The following PER2 variants were observed in gnomAD, a reference collection of about 807,000 sequenced individuals.
PER2 encodes the protein period circadian regulator 2.
In PER2, 66 loss-of-function variants were observed where a neutral mutation model predicts 121.0. That is an observed-to-expected ratio of 0.55 (90% CI 0.45 to 0.67). The LOEUF (loss-of-function observed/expected upper bound fraction) is 0.67, where lower values mean the gene tolerates loss of function less well. PER2 is among the 30% of genes least tolerant of loss of function. The pLI is 0.00. For synonymous variants in PER2, 684 were observed against 659.9 expected, an observed-to-expected ratio of 1.04 and a Z score of -0.56; for missense variants, 1,521 against 1,635.0, an observed-to-expected ratio of 0.93 and a Z score of 1.20.
At chr2:238,284,453 AAAAAG>A (rs1696723189) in intron 1 of PER2, among the ~76,000 whole-genome samples, 1 of 152,130 alleles carries the variant, frequency 6.6e-6, no homozygotes, top group Non-Finnish European at 1.5e-5. Context: ...AAAAAAAAAA[AAAAAG>A]AGAGAGAAAA....
At chr2:238,294,107 C>G (rs960546168), upstream of PER2, among the ~76,000 whole-genome samples, 1 of 152,226 alleles carries the variant, frequency 6.6e-6, no homozygotes, top group Non-Finnish European at 1.5e-5. Flanking sequence ...TGATCCTCCA[C>G]GTCCGAGGCA....
At chr2:238,257,764 G>A (rs1178688919) in intron 16 of PER2, among the ~76,000 whole-genome samples, 3 of 152,224 alleles carry the variant, frequency 2.0e-5, no homozygotes, top group South Asian at 2.1e-4. Flanking sequence ...GTGAGCCACC[G>A]CGCCCAGCCG....
upstream of PER2, among the ~76,000 whole-genome samples, chr2:238,293,232 T>C (rs972330698): frequency 4.6e-5 from 7 of 152,206 alleles, no homozygotes; most frequent in African/African-American, 1.2e-4. Flanking sequence ...CATTATTGTA[T>C]CCTAAGACAA....
In PER2 at chr2:238,277,905, G is replaced by C; in HGVS notation, c.32C>G (p.Pro11Arg). The change falls in exon 2 of 23, where the codon CCC becomes CGC. Residue 11 changes from proline to arginine, a missense_variant. By Grantham distance (103) the Pro-to-Arg change is moderately radical (BLOSUM62 -2). Coordinates refer to ENST00000254657, the MANE Select transcript of PER2 (RefSeq NM_022817.3). MNGYAEFPPS[P>R]SNPTKEPVEP... Reference sequence around the variant, plus strand: ...CACGGGCTCCTTGGTGGGGTTACTGGGGCTGGGCGGAAATTCCGCGTATCC... The same window carrying C: ...CACGGGCTCCTTGGTGGGGTTACTGCGGCTGGGCGGAAATTCCGCGTATCC... 6.2e-7 allele frequency: 1 copy of C among 1,613,988 alleles called. No individual in the cohort carries two copies. The highest frequency in any genetic ancestry group is 8.5e-7 in the Non-Finnish European group (1 of 1,180,042).
upstream of PER2, among the ~76,000 whole-genome samples, chr2:238,288,976 T>G (rs778734975): frequency 5.3e-5 from 8 of 152,304 alleles, no homozygotes; most frequent in Non-Finnish European, 8.8e-5. Flanking sequence ...CGTCGGTTCC[T>G]CAATGGAGAC....
intron 18 of PER2, chr2:238,254,778 T>G (rs543745063): frequency 6.6e-6 from 1 of 152,320 alleles, no homozygotes; most frequent in African/African-American, 2.4e-5. Context: ...CTACAGAGGT[T>G]CTCTATGGGC....
At chr2:238,284,602 C>A (rs1559338157) in intron 1 of PER2, among the ~76,000 whole-genome samples, 1 of 152,208 alleles carries the variant, frequency 6.6e-6, no homozygotes, top group Non-Finnish European at 1.5e-5. Flanking sequence ...CCCAGGCAGT[C>A]CTTAGAGGAG....
chr2:238,288,653 C>G (rs1322016661), upstream of PER2: 1 of 150,280 alleles, frequency 6.7e-6, no homozygotes, highest in Non-Finnish European at 1.5e-5. Flanking sequence ...CCGCCGGCCG[C>G]GCCCGCGTCA....
chr2:238,281,687 C>A (rs1189495452), intron 1 of PER2, among the ~76,000 whole-genome samples: 3 of 152,218 alleles, frequency 2.0e-5, no homozygotes, highest in Non-Finnish European at 4.4e-5. Flanking sequence ...ACGAGGTTAT[C>A]TTGCCCATCA....
At chr2:238,290,360 C>CTT (rs945416057), upstream of PER2, among the ~76,000 whole-genome samples, 1 of 152,070 alleles carries the variant, frequency 6.6e-6, no homozygotes, top group Admixed American at 6.5e-5. Flanking sequence ...CTGCACACAC[C>CTT]CAAAGGCTCT....
chr2:238,259,671 G>C (rs985049444), intron 14 of PER2, among the ~76,000 whole-genome samples: 3 of 152,250 alleles, frequency 2.0e-5, no homozygotes, highest in Non-Finnish European at 2.9e-5. Context: ...TGGCAGGCCA[G>C]GGTGCAGGAA....
In PER2 at chr2:238,248,058, C is replaced by T. The variant is rs1166770226; in HGVS notation, c.3618+1004G>A. On this transcript the variant is annotated intron_variant, in intron 22 of 22. Transcript: ENST00000254657. The stretch of plus-strand genomic sequence containing the variant: ...GCCTGATAAGTAGAGCCCAGGATGC[C>T]TCCAGGGCTTGCAGGGTGCAGGTGG... Among the ~76,000 whole-genome samples the T allele has an allele frequency of 5.3e-5, 8 of 152,340 alleles. 1 individual carries two copies. In the South Asian group the frequency reaches 1.7e-3, roughly 32 times the overall value.
intron 13 of PER2, 143 bp from the exon 14 acceptor site, chr2:238,260,196 C>G: frequency 1.6e-6 from 1 of 618,122 alleles, no homozygotes; most frequent in Non-Finnish European, 2.9e-6. Flanking sequence ...AGGTGTAGAG[C>G]TAGATAAAAC....
chr2:238,248,014 T>C (rs1695493321), intron 22 of PER2, among the ~76,000 whole-genome samples: 1 of 152,184 alleles, frequency 6.6e-6, no homozygotes, highest in African/African-American at 2.4e-5. Flanking sequence ...CCAGACAATC[T>C]GCCAACCCAC....
At chr2:238,257,545 C>T (rs773242111) in intron 16 of PER2, among the ~76,000 whole-genome samples, 1 of 152,250 alleles carries the variant, frequency 6.6e-6, no homozygotes, top group African/African-American at 2.4e-5. Context: ...GCAATCTTGG[C>T]TCACTGCAAC....
chr2:238,279,863 A>G (rs1458228913), intron 1 of PER2, among the ~76,000 whole-genome samples: 3 of 152,168 alleles, frequency 2.0e-5, no homozygotes, highest in African/African-American at 4.8e-5. Flanking sequence ...AGATGGAAGG[A>G]GCATGAAGAG....
At chr2:238,251,001 G>C (rs976127777) in intron 20 of PER2, among the ~76,000 whole-genome samples, 11 of 152,228 alleles carry the variant, frequency 7.2e-5, no homozygotes, top group African/African-American at 2.7e-4. Flanking sequence ...CTGCGTGTTA[G>C]AAGCCTTGAC....
In PER2 at chr2:238,253,404, G is replaced by GT; in HGVS notation, c.2618dup (p.His873GlnfsTer76). ...GCACAGCAGGCACTGTGAAGCTGGC[G>GT]TGGGGAGGTGCCGGGGGTGCTGCCA... On this transcript the variant is annotated frameshift_variant, in exon 19 of 23. Transcript: ENST00000254657. LOFTEE classifies it high-confidence loss of function. The surrounding 1 kb of genome is among the most constrained non-coding windows in gnomAD (Gnocchi z 5.6). 2 of 1,610,610 alleles carry GT rather than the reference G, an allele frequency of 1.2e-6. No homozygotes were observed. The highest frequency in any genetic ancestry group is 1.7e-6 in the Non-Finnish European group (2 of 1,177,564).
intron 9 of PER2, among the ~76,000 whole-genome samples, chr2:238,264,082 G>C (rs1450258015): frequency 6.6e-6 from 1 of 152,106 alleles, no homozygotes; most frequent in Non-Finnish European, 1.5e-5. Flanking sequence ...TGTGAGCCAG[G>C]CCACACACAA....
Sources: gnomAD v4.1 joint callset for allele counts (sites outside exome capture counted in the v4.1 genomes callset) on GRCh38, gnomAD v4.1.1 for gene constraint, Gnocchi (gnomAD v3.1) non-coding constraint, MANE v1.5 for transcripts, NCBI Gene and HGNC (gene_info 2026-07-23, HGNC 2026-07-21) for gene names.